Variants in DAPL1 observed in about 807,000 individuals in gnomAD.
The protein encoded by DAPL1 is death associated protein like 1, also known as death-associated protein-like 1.
In DAPL1, 17 loss-of-function variants were observed where a neutral mutation model predicts 12.9. The observed-to-expected ratio is 1.32, with a 90% CI of 0.90 to 1.98. DAPL1 has a LOEUF of 1.98. Ranked by LOEUF, DAPL1 falls within the 30% of genes most tolerant of loss-of-function variation. DAPL1 has a pLI of 0.00. For missense variants in DAPL1, 157 were observed against 125.7 expected, an observed-to-expected ratio of 1.25 and a Z score of -1.19; for synonymous variants, 51 against 42.0, an observed-to-expected ratio of 1.21 and a Z score of -0.82.
At chr2:158,804,467 G>T (rs1003693211) in intron 2 of DAPL1, 98 bp downstream of exon 2, 10 of 841,764 alleles carry the variant, frequency 1.2e-5, no homozygotes, top group Non-Finnish European at 1.8e-5. Flanking sequence ...CTATGCCTTT[G>T]GAGGCAGCCA....
intron 1 of DAPL1, among the ~76,000 whole-genome samples, chr2:158,800,587 G>A (rs193093521): frequency 8.5e-5 from 13 of 152,262 alleles, no homozygotes; most frequent in Admixed American, 7.2e-4. Flanking sequence ...ACAGAGCTTA[G>A]GAGGAATAGA....
At position 158,815,728 on chromosome 2, in the gene DAPL1, A is replaced by C; in HGVS notation, c.231A>C (p.Thr77=). 6.2e-7 allele frequency: 1 copy of C among 1,613,576 alleles called. No individual in the cohort carries two copies. Among genetic ancestry groups the C allele is most frequent in the Non-Finnish European group, 8.5e-7 (1 of 1,179,466 alleles). Residue 77 remains threonine, a synonymous_variant, in exon 4 of 4, where the codon ACA becomes ACC. Transcript: ENST00000309950. ...LEKLNYKFPA[T]VHMAHQKPTP... Reference sequence around the variant, plus strand: ...AGCTCAACTATAAATTTCCAGCAACAGTGCACATGGCGCATCAAAAACCCA... The same window carrying C: ...AGCTCAACTATAAATTTCCAGCAACCGTGCACATGGCGCATCAAAAACCCA...
intron 3 of DAPL1, among the ~76,000 whole-genome samples, chr2:158,813,834 T>C (rs2138385): frequency 0.88 from 133,891 of 152,182 alleles, 59,035 homozygotes; most frequent in Admixed American, 0.93. Context: ...GGATTGCAGG[T>C]GTGGGCCACC....
chr2:158,806,960 T>A, intron 2 of DAPL1, 95 bp from the exon 3 acceptor site: 5 of 913,082 alleles, frequency 5.5e-6, no homozygotes, highest in Non-Finnish European at 7.0e-6. Flanking sequence ...AGTGAAAGCA[T>A]AAAAGGCTGG....
intron 3 of DAPL1, among the ~76,000 whole-genome samples, chr2:158,811,293 G>A (rs2059229006): frequency 6.6e-6 from 1 of 152,154 alleles, no homozygotes; most frequent in Admixed American, 6.5e-5. Flanking sequence ...ATCACTGTAG[G>A]AGTATCCTTG....
At chr2:158,796,377 G>A (rs956373788) in intron 1 of DAPL1, among the ~76,000 whole-genome samples, 2 of 152,280 alleles carry the variant, frequency 1.3e-5, no homozygotes, top group African/African-American at 4.8e-5. Flanking sequence ...ATGTAACATT[G>A]TTTTGGTGGC....
intron 3 of DAPL1, among the ~76,000 whole-genome samples, chr2:158,812,597 C>G (rs990956551): frequency 6.6e-6 from 1 of 152,038 alleles, no homozygotes; most frequent in African/African-American, 2.4e-5. Context: ...AGTTCGAGAC[C>G]AGCCTGGGCA....
chr2:158,799,095 A>C (rs1453860981), intron 1 of DAPL1, among the ~76,000 whole-genome samples: 1 of 152,232 alleles, frequency 6.6e-6, no homozygotes, highest in Non-Finnish European at 1.5e-5. Context: ...TCACAAGAGT[A>C]TAATTCTCAT....
intron 1 of DAPL1, among the ~76,000 whole-genome samples, chr2:158,801,990 A>T (rs2059170234): frequency 6.6e-6 from 1 of 152,248 alleles, no homozygotes; most frequent in Non-Finnish European, 1.5e-5. Context: ...AATGGCTTCT[A>T]AAACACAGAA....
chr2:158,798,325 C>T (rs772697853), intron 1 of DAPL1, among the ~76,000 whole-genome samples: 4 of 152,190 alleles, frequency 2.6e-5, no homozygotes, highest in Admixed American at 1.3e-4. Flanking sequence ...ATATGGACCA[C>T]GGTCATTTGA....
At chr2:158,803,671 G>T (rs1330952988) in intron 1 of DAPL1, among the ~76,000 whole-genome samples, 1 of 152,206 alleles carries the variant, frequency 6.6e-6, no homozygotes, top group African/African-American at 2.4e-5. Context: ...TGAATGGCAG[G>T]ATTATTAATG....
intron 3 of DAPL1, among the ~76,000 whole-genome samples, chr2:158,814,352 T>C (rs1290801245): frequency 1.3e-5 from 2 of 152,210 alleles, no homozygotes; most frequent in Non-Finnish European, 2.9e-5. Flanking sequence ...AATATCTCAA[T>C]TGTGTTTTGT....
At chr2:158,806,820 G>C (rs1249380615) in intron 2 of DAPL1, among the ~76,000 whole-genome samples, 1 of 148,608 alleles carries the variant, frequency 6.7e-6, no homozygotes, top group African/African-American at 2.5e-5. Context: ...TGGGCAACAA[G>C]AGCGAAACTG....
In DAPL1 at chr2:158,804,317, G is replaced by T; in HGVS notation, c.94G>T (p.Glu32Ter). The change falls in exon 2 of 4, where the codon GAA becomes TAA. Residue 32 changes from glutamate to a stop codon, truncating the protein, a stop_gained. Transcript: ENST00000309950. LOFTEE classifies it high-confidence loss of function. ...AGGAATGAGAATTTCCAAAAAACAA[G>T]AAATTGGCACCTTGGAAAGACATAC... The part of the protein sequence containing the change: ...AGGMRISKKQ[E>*]IGTLERHTKK... 6.2e-7 allele frequency: 1 copy of T among 1,611,608 alleles called. No homozygotes were observed. The highest frequency in any genetic ancestry group is 8.5e-7 in the Non-Finnish European group (1 of 1,178,758).
chr2:158,810,082 A>T (rs72995175), intron 3 of DAPL1, among the ~76,000 whole-genome samples: 6,262 of 152,242 alleles, frequency 0.041, 421 homozygotes, highest in African/African-American at 0.14. Flanking sequence ...ACTTGTCAAG[A>T]CTCATAAAGC....
chr2:158,801,700 C>T (rs1375733086), intron 1 of DAPL1, among the ~76,000 whole-genome samples: 1 of 151,898 alleles, frequency 6.6e-6, no homozygotes, highest in African/African-American at 2.4e-5. Flanking sequence ...GAGTTTATTC[C>T]ATGAATGCAG....
chr2:158,803,935 A>G (rs993865203), intron 1 of DAPL1, among the ~76,000 whole-genome samples: 8 of 152,148 alleles, frequency 5.3e-5, no homozygotes, highest in Non-Finnish European at 2.9e-5. Flanking sequence ...GTCGGTTGCT[A>G]TTGTGGGGAA....
At chr2:158,808,181 G>A (rs994512110) in intron 3 of DAPL1, among the ~76,000 whole-genome samples, 2 of 152,224 alleles carry the variant, frequency 1.3e-5, no homozygotes, top group African/African-American at 4.8e-5. Context: ...CTCTGTAGAA[G>A]GAAGACTTGC....
At chr2:158,797,763 C>A (rs2105147039) in intron 1 of DAPL1, among the ~76,000 whole-genome samples, 1 of 151,916 alleles carries the variant, frequency 6.6e-6, no homozygotes, top group East Asian at 1.9e-4. Context: ...TGCACTCCAG[C>A]CTGGGCAACA....
Sources: allele counts gnomAD v4.1 joint callset (sites outside exome capture counted in the v4.1 genomes callset), GRCh38; gene constraint gnomAD v4.1.1; transcripts MANE v1.5; gene names NCBI Gene and HGNC (gene_info 2026-07-23, HGNC 2026-07-21).